SAMD5: variants seen among roughly 807,000 people sequenced by gnomAD.
SAMD5 encodes the protein sterile alpha motif domain-containing protein 5.
Under a neutral mutation model 11.3 loss-of-function variants are expected in SAMD5, and 13 were observed. The ratio of observed to expected loss-of-function variants is 1.15; its 90% CI spans 0.75 to 1.83. The LOEUF (loss-of-function observed/expected upper bound fraction) is 1.83. SAMD5 is among the 40% of genes most tolerant of loss of function. SAMD5 has a pLI of 0.00. For synonymous variants in SAMD5, 129 were observed against 111.3 expected (o/e 1.16, Z -1.00); for missense variants, 255 against 239.1 (o/e 1.07, Z -0.44).
At chr6:147,749,218 G>A in the SAMD5 span, among the ~76,000 whole-genome samples, 1 of 149,834 alleles carries the variant, frequency 6.7e-6, no homozygotes, top group Non-Finnish European at 1.5e-5. Flanking sequence ...TGCCCAGGCT[G>A]GAGTACAGTG....
chr6:147,706,533 A>C lies in SAMD5; in HGVS notation c.163-30784A>C, dbSNP rs142825064. On this transcript the variant is annotated intron_variant, in intron 1 of 1. Coordinates refer to the SAMD5 transcript ENST00000566741. ...GTGAGCCACCGCACCCAGCCATGAC[A>C]AGTCTTTATGAAGGAAAGAGGAAAA... 2.0e-3 allele frequency among the ~76,000 whole-genome samples: 304 copies of C among 152,286 alleles called. 1 individual carries two copies. The highest frequency in any genetic ancestry group is 6.9e-3 in the African/African-American group (287 of 41,564).
chr6:147,511,567 G>T (rs1454348151), intron 1 of SAMD5, among the ~76,000 whole-genome samples: 1 of 150,066 alleles, frequency 6.7e-6, no homozygotes, highest in Non-Finnish European at 1.5e-5. Flanking sequence ...ACTGATGGAA[G>T]AATAAAATAG....
intron 1 of SAMD5, among the ~76,000 whole-genome samples, chr6:147,700,680 A>G (rs529977568): frequency 1.3e-5 from 2 of 152,366 alleles, no homozygotes; most frequent in East Asian, 1.9e-4. Context: ...GCAAGTCTAC[A>G]TTAGAAGTAT....
the SAMD5 span, among the ~76,000 whole-genome samples, chr6:147,885,183 G>A: frequency 6.6e-6 from 1 of 152,112 alleles, no homozygotes; most frequent in Non-Finnish European, 1.5e-5. Flanking sequence ...TGTAGGCCAG[G>A]TGTGGTCACT....
chr6:147,886,633 ATC>A, the SAMD5 span, among the ~76,000 whole-genome samples: 1 of 152,068 alleles, frequency 6.6e-6, no homozygotes, highest in Non-Finnish European at 1.5e-5. Context: ...AGCAGACTTA[ATC>A]TCTCTCTCAT....
At chr6:147,709,360 C>G (rs919056363) in intron 1 of SAMD5, among the ~76,000 whole-genome samples, 1 of 152,104 alleles carries the variant, frequency 6.6e-6, no homozygotes, top group Non-Finnish European at 1.5e-5. Context: ...ATAGTTCTTC[C>G]GAAGTCATAG....
intron 1 of SAMD5, among the ~76,000 whole-genome samples, chr6:147,691,644 A>G (rs1354560600): frequency 6.6e-6 from 1 of 152,188 alleles, no homozygotes; most frequent in Non-Finnish European, 1.5e-5. Flanking sequence ...GTCGTCTGTA[A>G]GCTTAGGCAG....
chr6:147,597,136 G>A (rs755307432), intron 1 of SAMD5, among the ~76,000 whole-genome samples: 6 of 152,016 alleles, frequency 3.9e-5, no homozygotes, highest in Non-Finnish European at 7.3e-5. Flanking sequence ...TCATACAGAC[G>A]GATCTTCAGA....
intron 1 of SAMD5, among the ~76,000 whole-genome samples, chr6:147,712,180 T>C (rs1285901133): frequency 1.3e-5 from 2 of 152,204 alleles, no homozygotes; most frequent in South Asian, 2.1e-4. Context: ...TGTACTTTGA[T>C]TCTGCATGTA....
At chr6:147,596,762 A>G (rs1469976777) in intron 1 of SAMD5, among the ~76,000 whole-genome samples, 1 of 152,172 alleles carries the variant, frequency 6.6e-6, no homozygotes, top group East Asian at 1.9e-4. Context: ...CTGCCCATTC[A>G]CTAACATTTG....
At chr6:147,928,214 G>C in the SAMD5 span, among the ~76,000 whole-genome samples, 1 of 151,982 alleles carries the variant, frequency 6.6e-6, no homozygotes, top group Non-Finnish European at 1.5e-5. Flanking sequence ...TCAGTTTTGG[G>C]AAATAGTTTC....
chr6:147,706,671 A>G (rs568815692), intron 1 of SAMD5, among the ~76,000 whole-genome samples: 1 of 152,346 alleles, frequency 6.6e-6, no homozygotes, highest in East Asian at 1.9e-4. Context: ...CTTTTCTGGT[A>G]CTTGGCTCTA....
chr6:147,687,855 C>G (rs1791041434), intron 1 of SAMD5, among the ~76,000 whole-genome samples: 1 of 152,080 alleles, frequency 6.6e-6, no homozygotes, highest in Non-Finnish European at 1.5e-5. Flanking sequence ...GTTTTTATCC[C>G]TTCTAATGGC....
At chr6:147,621,354 A>G (rs1474924119) in intron 1 of SAMD5, among the ~76,000 whole-genome samples, 1 of 152,184 alleles carries the variant, frequency 6.6e-6, no homozygotes, top group African/African-American at 2.4e-5. Context: ...TTGACTTCTG[A>G]TTGGAGGAAA....
chr6:147,832,606 C>A, the SAMD5 span, among the ~76,000 whole-genome samples: 1 of 152,210 alleles, frequency 6.6e-6, no homozygotes, highest in African/African-American at 2.4e-5. Flanking sequence ...AGAAGTCACA[C>A]CCCGTTCCAG....
chr6:147,774,613 A>G, the SAMD5 span, among the ~76,000 whole-genome samples: 1 of 151,930 alleles, frequency 6.6e-6, no homozygotes, highest in South Asian at 2.1e-4. Flanking sequence ...GTTATTTTTT[A>G]TGGATTTTAA....
the SAMD5 span, among the ~76,000 whole-genome samples, chr6:147,834,588 T>C: frequency 6.6e-6 from 1 of 152,222 alleles, no homozygotes; most frequent in Non-Finnish European, 1.5e-5. Context: ...TGCACTCATT[T>C]GTATTCCCTT....
At chr6:147,869,157 GAAT>G in the SAMD5 span, among the ~76,000 whole-genome samples, 17 of 152,174 alleles carry the variant, frequency 1.1e-4, no homozygotes, top group African/African-American at 4.1e-4. Flanking sequence ...CTCTGATTAA[GAAT>G]AATATGTGAA....
At chr6:147,843,377 A>C in the SAMD5 span, among the ~76,000 whole-genome samples, 2 of 152,364 alleles carry the variant, frequency 1.3e-5, no homozygotes, top group African/African-American at 4.8e-5. Flanking sequence ...TCCTGTGTTC[A>C]CATATTGGAA....
Sources: gnomAD v4.1 joint callset for allele counts (sites outside exome capture counted in the v4.1 genomes callset) on GRCh38, gnomAD v4.1.1 for gene constraint, MANE v1.5 for transcripts, NCBI Gene and HGNC (gene_info 2026-07-23, HGNC 2026-07-21) for gene names.